STARD3NL: variants seen among roughly 807,000 people sequenced by gnomAD.
STARD3NL encodes STARD3 N-terminal like.
STARD3NL carries 17 observed loss-of-function variants against 30.9 expected under a neutral mutation model. The ratio of observed to expected loss-of-function variants is 0.55; its 90% CI spans 0.38 to 0.82. The LOEUF (loss-of-function observed/expected upper bound fraction) is 0.82. Ranked by LOEUF, STARD3NL falls within the 40% of genes least tolerant of loss-of-function variation. The probability of loss-of-function intolerance (pLI) is 0.00; values close to 1 mark genes in which losing one functional copy is unlikely to be tolerated. For missense variants in STARD3NL, 234 were observed against 277.6 expected (o/e 0.84, Z 1.12); for synonymous variants, 112 against 100.5 (o/e 1.11, Z -0.69).
At chr7:38,226,531 C>T (rs1309719757) in intron 7 of STARD3NL, among the ~76,000 whole-genome samples, 1 of 152,158 alleles carries the variant, frequency 6.6e-6, no homozygotes, top group Non-Finnish European at 1.5e-5. Flanking sequence ...TGGATAGCAC[C>T]TTCAGCGTTC....
rs902596869 is a variant in STARD3NL, at chr7:38,230,169, C to T, written c.*264C>T. On this transcript the variant is annotated 3_prime_UTR_variant, in exon 9 of 9. Coordinates refer to ENST00000009041, the MANE Select transcript of STARD3NL (RefSeq NM_032016.4). ...AGTGAGACTGAGCCTGATGTGTTAA[C>T]AAATAGGTGAAGAAAGTCTTGTGCT... is the stretch of plus-strand genomic sequence containing the variant. 2 of 152,618 alleles carry T rather than the reference C, an allele frequency of 1.3e-5. No homozygotes were observed. Among genetic ancestry groups the T allele is most frequent in the East Asian group, 3.8e-4 (2 of 5,200 alleles). The allele number at this position is 152,618 out of a possible 1,614,324, so 9.5% of individuals were successfully genotyped here.
chr7:38,192,607 G>A (rs1021003122), intron 1 of STARD3NL, among the ~76,000 whole-genome samples: 1 of 152,164 alleles, frequency 6.6e-6, no homozygotes, highest in Non-Finnish European at 1.5e-5. Context: ...AAGTAGGCCA[G>A]TGTTAGGTTA....
intron 1 of STARD3NL, among the ~76,000 whole-genome samples, chr7:38,186,947 G>T (rs2115952661): frequency 6.6e-6 from 1 of 152,192 alleles, no homozygotes; most frequent in South Asian, 2.1e-4. Context: ...TAAAAGGTTG[G>T]AGACAATAGA....
At chr7:38,205,665 A>G (rs1383523714) in intron 1 of STARD3NL, among the ~76,000 whole-genome samples, 1 of 152,150 alleles carries the variant, frequency 6.6e-6, no homozygotes, top group African/African-American at 2.4e-5. Flanking sequence ...GTATACATGT[A>G]TATACTATAT....
intron 7 of STARD3NL, among the ~76,000 whole-genome samples, chr7:38,220,094 C>A (rs964848255): frequency 1.3e-5 from 2 of 152,164 alleles, no homozygotes; most frequent in African/African-American, 4.8e-5. Flanking sequence ...AAAGCTGTTT[C>A]CATCCTCTCT....
At chr7:38,211,832 T>A (rs938410441) in intron 2 of STARD3NL, among the ~76,000 whole-genome samples, 1 of 152,192 alleles carries the variant, frequency 6.6e-6, no homozygotes, top group African/African-American at 2.4e-5. Flanking sequence ...GAAAACGCAT[T>A]TTGATTTGCT....
chr7:38,214,321 C>T, intron 2 of STARD3NL, 36 bp from the exon 3 acceptor site: 2 of 1,346,846 alleles, frequency 1.5e-6, no homozygotes, highest in Non-Finnish European at 2.1e-6. Flanking sequence ...CACACATAAA[C>T]CTCTCCTTGT....
Position 38,228,347 on chromosome 7 carries a change from C to G in STARD3NL, c.650-452C>G, listed in dbSNP as rs117218608. ...ATCCTGAAGCTCATGAGACATTGAT[C>G]CAGAAGGGCCAGACTGTGGTCACTG... is the stretch of plus-strand genomic sequence containing the variant. On this transcript the variant is annotated intron_variant, in intron 7 of 8. Coordinates refer to ENST00000009041, the MANE Select transcript of STARD3NL (RefSeq NM_032016.4). Among the ~76,000 whole-genome samples the G allele has an allele frequency of 1.6e-3, 245 of 152,264 alleles. 1 individual carries two copies. Among genetic ancestry groups the G allele is most frequent in the Middle Eastern group, 0.01 (3 of 294 alleles).
chr7:38,215,999 A>G (rs776962596), intron 4 of STARD3NL: 1 of 152,256 alleles, frequency 6.6e-6, no homozygotes, highest in African/African-American at 2.4e-5. Flanking sequence ...TTTCATGGAT[A>G]TAGGCTGACA....
chr7:38,218,646 C>A (rs1786263986), intron 6 of STARD3NL, among the ~76,000 whole-genome samples: 1 of 152,184 alleles, frequency 6.6e-6, no homozygotes, highest in Non-Finnish European at 1.5e-5. Context: ...TTGTCAGTAG[C>A]ATGTATGACA....
rs760702181 is a variant in STARD3NL at position 38,219,690 on chromosome 7, T to C, written c.649+30T>C. ...AAAACTTGATTATTATTTGTGCTTGTATCTCTCATTCAAAGGCTCTGCTCT... is the reference window on the plus strand; with the variant it reads ...AAAACTTGATTATTATTTGTGCTTGCATCTCTCATTCAAAGGCTCTGCTCT... On this transcript the variant is annotated intron_variant, in intron 7 of 8. Transcript: ENST00000009041. 12 of 1,570,588 alleles carry C rather than the reference T, an allele frequency of 7.6e-6. No individual in the cohort carries two copies. In the South Asian group the frequency reaches 1.3e-4, roughly 17 times the overall value.
chr7:38,207,865 C>T (rs1785582731), intron 2 of STARD3NL, 136 bp downstream of exon 2: 2 of 804,436 alleles, frequency 2.5e-6, no homozygotes, highest in Non-Finnish European at 3.9e-6. Flanking sequence ...CTTTTCTCCT[C>T]CTGATTTGGA....
intron 6 of STARD3NL, among the ~76,000 whole-genome samples, chr7:38,218,520 A>G (rs1200320636): frequency 2.0e-5 from 3 of 152,382 alleles, no homozygotes; most frequent in African/African-American, 2.4e-5. Flanking sequence ...TGTTGAAAAC[A>G]TATGAACTAT....
chr7:38,203,610 T>A (rs549727056), intron 1 of STARD3NL, among the ~76,000 whole-genome samples: 63 of 152,200 alleles, frequency 4.1e-4, no homozygotes, highest in African/African-American at 1.5e-3. Context: ...AATGACAGGA[T>A]CAAATTCACA....
At chr7:38,218,630 T>C (rs550337611) in intron 6 of STARD3NL, among the ~76,000 whole-genome samples, 5 of 152,302 alleles carry the variant, frequency 3.3e-5, no homozygotes, top group South Asian at 4.1e-4. Flanking sequence ...TTAGCACTTA[T>C]TTTCATTGTC....
chr7:38,195,044 G>C (rs2116057585), intron 1 of STARD3NL, among the ~76,000 whole-genome samples: 1 of 152,040 alleles, frequency 6.6e-6, no homozygotes, highest in South Asian at 2.1e-4. Context: ...ATACTGAGTG[G>C]TGAATATTAA....
chr7:38,227,110 C>T (rs537774875), intron 7 of STARD3NL, among the ~76,000 whole-genome samples: 14 of 152,104 alleles, frequency 9.2e-5, no homozygotes, highest in African/African-American at 2.7e-4. Flanking sequence ...TTCACTTGGC[C>T]GTAGCAAGAA....
At chr7:38,202,635 A>C (rs911073640) in intron 1 of STARD3NL, among the ~76,000 whole-genome samples, 3 of 152,046 alleles carry the variant, frequency 2.0e-5, no homozygotes, top group Admixed American at 6.5e-5. Flanking sequence ...CAGGTTAGTT[A>C]CATATGTATA....
chr7:38,197,136 T>TTTTTTCTTTCTTTCTTTCTTTC (rs377342892), intron 1 of STARD3NL, among the ~76,000 whole-genome samples: 32 of 112,276 alleles, frequency 2.9e-4, no homozygotes, highest in African/African-American at 1.1e-3. Context: ...GCATTACCTT[T>TTTTTTCTTTCTTTCTTTCTTTC]TTTCTTTCTT....
Sources: allele counts gnomAD v4.1 joint callset (sites outside exome capture counted in the v4.1 genomes callset), GRCh38; gene constraint gnomAD v4.1.1; transcripts MANE v1.5; gene names NCBI Gene and HGNC (gene_info 2026-07-23, HGNC 2026-07-21).